DCC: variants seen among roughly 807,000 people sequenced by gnomAD.
DCC encodes the protein DCC netrin 1 receptor.
In DCC, 58 loss-of-function variants were observed where a neutral mutation model predicts 172.5. That is an observed-to-expected ratio of 0.34 (90% CI 0.27 to 0.42). The LOEUF (loss-of-function observed/expected upper bound fraction) is 0.42, where lower values mean the gene tolerates loss of function less well. DCC is among the 10% of genes least tolerant of loss of function. DCC has a pLI of 1.00. For synonymous variants in DCC, 709 were observed against 644.5 expected, an observed-to-expected ratio of 1.10 and a Z score of -1.52; for missense variants, 1,740 against 1,791.0, an observed-to-expected ratio of 0.97 and a Z score of 0.51.
chr18:52,491,351 C>G (rs1340958917), intron 1 of DCC, among the ~76,000 whole-genome samples: 1 of 151,888 alleles, frequency 6.6e-6, no homozygotes, highest in Non-Finnish European at 1.5e-5. Context: ...TAATTGCAAA[C>G]TGTGGTATGA....
chr18:52,723,806 T>C (rs1490318354), intron 1 of DCC, among the ~76,000 whole-genome samples: 2 of 152,058 alleles, frequency 1.3e-5, no homozygotes, highest in Non-Finnish European at 2.9e-5. Flanking sequence ...AAAACCCAAA[T>C]TACACAGATG....
At chr18:53,218,989 AG>A (rs1486558863) in intron 12 of DCC, among the ~76,000 whole-genome samples, 1 of 152,128 alleles carries the variant, frequency 6.6e-6, no homozygotes, top group Non-Finnish European at 1.5e-5. Context: ...TAATGTTTAG[AG>A]GATGATAGAA....
chr18:53,486,077 T>C (rs920574299), intron 25 of DCC, among the ~76,000 whole-genome samples: 2 of 152,082 alleles, frequency 1.3e-5, no homozygotes, highest in Non-Finnish European at 2.9e-5. Context: ...ACAATTGGAA[T>C]ATTTAATATA....
chr18:52,809,495 C>G (rs2038152739), intron 2 of DCC: 1 of 153,548 alleles, frequency 6.5e-6, no homozygotes, highest in Non-Finnish European at 1.4e-5. Context: ...TAGTGTTCAG[C>G]TTGATTAGGA....
At chr18:52,910,820 C>T (rs1451465572) in intron 3 of DCC, among the ~76,000 whole-genome samples, 1 of 151,968 alleles carries the variant, frequency 6.6e-6, no homozygotes, top group Non-Finnish European at 1.5e-5. Flanking sequence ...CCTGTATAGA[C>T]CTTAACTAAA....
At chr18:52,608,993 G>C (rs892979824) in intron 1 of DCC, among the ~76,000 whole-genome samples, 1 of 152,154 alleles carries the variant, frequency 6.6e-6, no homozygotes, top group African/African-American at 2.4e-5. Context: ...GTGAGTATTT[G>C]AAGCAAGCAT....
At chr18:52,515,928 G>GAAAAAAAAA (rs34820684) in intron 1 of DCC, among the ~76,000 whole-genome samples, 1 of 115,046 alleles carries the variant, frequency 8.7e-6, no homozygotes, top group Non-Finnish European at 1.7e-5. Context: ...TTAGAAAATG[G>GAAAAAAAAA]AAAAAAAAAA....
rs562352573 is a variant in DCC at position 52,510,036 on chromosome 18, G to T, written c.91+169158G>T. 2.4e-3 allele frequency among the ~76,000 whole-genome samples: 359 copies of T among 151,988 alleles called. 1 individual carries two copies. Among genetic ancestry groups the T allele is most frequent in the African/African-American group, 8.4e-3 (350 of 41,460 alleles). Reference sequence around the variant, plus strand: ...GAAGAATCGCTTGAACCCAGGAGGCGGAGGTTACGGTGAGCTGAGATAGCA... The same window carrying T: ...GAAGAATCGCTTGAACCCAGGAGGCTGAGGTTACGGTGAGCTGAGATAGCA... On this transcript the variant is annotated intron_variant, in intron 1 of 28. Coordinates refer to ENST00000442544, the MANE Select transcript of DCC (RefSeq NM_005215.4).
chr18:53,132,712 G>A (rs553036946), intron 7 of DCC, among the ~76,000 whole-genome samples: 12 of 152,266 alleles, frequency 7.9e-5, no homozygotes, highest in African/African-American at 9.6e-5. Flanking sequence ...CACCTGTGGA[G>A]TAGCTGTTTA....
At chr18:52,624,518 C>T (rs1350049306) in intron 1 of DCC, among the ~76,000 whole-genome samples, 2 of 152,148 alleles carry the variant, frequency 1.3e-5, no homozygotes, top group Admixed American at 1.3e-4. Context: ...TCTGTTGGAA[C>T]AAGCTTGTGA....
At chr18:53,318,752 G>GGTTTTT (rs1555651814) in intron 13 of DCC, among the ~76,000 whole-genome samples, 2 of 132,160 alleles carry the variant, frequency 1.5e-5, no homozygotes, top group East Asian at 2.3e-4. Flanking sequence ...TCTTCGTTGG[G>GGTTTTT]TTTTTTTTTT....
At chr18:52,809,572 G>T (rs900219321) in intron 2 of DCC, 1 of 153,322 alleles carries the variant, frequency 6.5e-6, no homozygotes, top group Non-Finnish European at 1.5e-5. Context: ...GTGGCAATGG[G>T]CGACTTGCTG....
intron 2 of DCC, among the ~76,000 whole-genome samples, chr18:52,804,013 C>T (rs1044245548): frequency 6.6e-5 from 10 of 152,114 alleles, no homozygotes; most frequent in Admixed American, 4.6e-4. Flanking sequence ...CACCTGGACT[C>T]GGGCGTCTGG....
intron 5 of DCC, among the ~76,000 whole-genome samples, chr18:53,060,009 A>G (rs542483657): frequency 6.8e-6 from 1 of 146,422 alleles, no homozygotes; most frequent in Non-Finnish European, 1.5e-5. Flanking sequence ...ACTTAGACTC[A>G]TTTTTTTTTT....
At chr18:52,533,515 T>C (rs1442216129) in intron 1 of DCC, among the ~76,000 whole-genome samples, 1 of 151,888 alleles carries the variant, frequency 6.6e-6, no homozygotes, top group African/African-American at 2.4e-5. Context: ...TGGGATTGAC[T>C]TTTTTTTGCT....
chr18:52,364,204 C>A (rs1356030947), intron 1 of DCC, among the ~76,000 whole-genome samples: 1 of 152,028 alleles, frequency 6.6e-6, no homozygotes, highest in Non-Finnish European at 1.5e-5. Context: ...GTCTTTATGG[C>A]CTGAGAAATG....
rs1158556637 is a variant in DCC at position 52,927,078 on chromosome 18, T to C, written c.985+1708T>C. Reference sequence around the variant, plus strand: ...ATACACATATATACACACATATATGTGTATATACACGTATATACGTGTATA... The same window carrying C: ...ATACACATATATACACACATATATGCGTATATACACGTATATACGTGTATA... On this transcript the variant is annotated intron_variant, in intron 5 of 28. Coordinates refer to ENST00000442544, the MANE Select transcript of DCC (RefSeq NM_005215.4). Among the ~76,000 whole-genome samples, 4 of 120,976 alleles carry C rather than the reference T, an allele frequency of 3.3e-5. 1 individual carries two copies. The highest frequency in any genetic ancestry group is 7.0e-5 in the Non-Finnish European group (4 of 57,456). The allele number at this position is 120,976 out of a possible 152,430, so 79.4% of individuals were successfully genotyped here. A position where few individuals can be genotyped will look rare whatever the true frequency, so the allele number is the denominator to read the frequency against.
At chr18:52,783,757 G>A (rs929048134) in intron 2 of DCC, among the ~76,000 whole-genome samples, 5 of 151,870 alleles carry the variant, frequency 3.3e-5, no homozygotes, top group African/African-American at 9.7e-5. Flanking sequence ...GTAAATACAA[G>A]TAGGTACAAG....
intron 13 of DCC, among the ~76,000 whole-genome samples, chr18:53,307,221 G>A (rs12962075): frequency 0.036 from 5,431 of 152,264 alleles, 121 homozygotes; most frequent in East Asian, 0.12. Flanking sequence ...CTCTGAGGCA[G>A]GGAATGGTTG....
Sources: gnomAD v4.1 joint callset for allele counts (sites outside exome capture counted in the v4.1 genomes callset) on GRCh38, gnomAD v4.1.1 for gene constraint, MANE v1.5 for transcripts, NCBI Gene and HGNC (gene_info 2026-07-23, HGNC 2026-07-21) for gene names.